The following SNTB2 variants were observed in gnomAD, a reference collection of about 807,000 sequenced individuals.
SNTB2 encodes beta-2-syntrophin.
SNTB2 carries 34 observed loss-of-function variants against 46.2 expected under a neutral mutation model. The observed-to-expected ratio is 0.74, with a 90% CI of 0.56 to 0.98. SNTB2 has a LOEUF of 0.98. SNTB2 is among the 50% of genes least tolerant of loss of function. The pLI is 0.00. For synonymous variants in SNTB2, 290 were observed against 312.6 expected (o/e 0.93, Z 0.76); for missense variants, 603 against 731.4 (o/e 0.82, Z 2.02).
chr16:69,213,994 T>G (rs917220219), intron 1 of SNTB2, among the ~76,000 whole-genome samples: 5 of 150,266 alleles, frequency 3.3e-5, no homozygotes, highest in African/African-American at 1.2e-4. Flanking sequence ...GCTAATTTTT[T>G]TGTAGTTTTT....
rs532763472 is a variant in SNTB2 at position 69,306,041 on chromosome 16, A to G, written c.*5117A>G. ...ATTTTTGAGCAATATCATTATTCCT[A>G]TGCTGTGATGTTAAATGGAATTTAT... On this transcript the variant is annotated 3_prime_UTR_variant, in exon 7 of 7. Transcript: ENST00000336278. The G allele has an allele frequency of 2.6e-5, 4 of 152,270 alleles. No individual in the cohort carries two copies. The South Asian group carries it at 6.2e-4, about 24-fold the overall frequency. The allele number at this position is 152,270 out of a possible 1,614,324, so 9.4% of individuals were successfully genotyped here.
At chr16:69,237,620 T>TTTTTTG (rs1964571126) in intron 1 of SNTB2, among the ~76,000 whole-genome samples, 1 of 148,726 alleles carries the variant, frequency 6.7e-6, no homozygotes, top group African/African-American at 2.5e-5. Context: ...TTTTTTTTTT[T>TTTTTTG]GAGGCAGAGT....
intron 1 of SNTB2, among the ~76,000 whole-genome samples, chr16:69,228,181 G>C (rs1460038014): frequency 1.3e-5 from 2 of 151,970 alleles, no homozygotes; most frequent in East Asian, 3.9e-4. Flanking sequence ...CAGTTACTTG[G>C]TAAAGTTAGT....
At chr16:69,235,914 A>G in intron 1 of SNTB2, 1 of 1,199,454 alleles carries the variant, frequency 8.3e-7, no homozygotes, top group South Asian at 1.4e-5. Context: ...TATATATAGA[A>G]TTACTGGTTT....
chr16:69,216,608 A>T (rs1279619573), intron 1 of SNTB2, among the ~76,000 whole-genome samples: 3 of 151,674 alleles, frequency 2.0e-5, no homozygotes. Context: ...TCGCTTATAC[A>T]TGGGAAGTCA....
chr16:69,249,347 G>T (rs1010635839), intron 2 of SNTB2, among the ~76,000 whole-genome samples: 12 of 152,086 alleles, frequency 7.9e-5, no homozygotes, highest in African/African-American at 2.7e-4. Context: ...TTGAGAATAG[G>T]TACCTGTAGT....
chr16:69,248,040 T>A (rs1964687208), intron 2 of SNTB2, among the ~76,000 whole-genome samples: 1 of 152,172 alleles, frequency 6.6e-6, no homozygotes, highest in Admixed American at 6.5e-5. Context: ...GGAGGATCAC[T>A]TGAACCCAAG....
intron 5 of SNTB2, among the ~76,000 whole-genome samples, chr16:69,298,512 CTTTTTTTTTTT>C (rs34908270): frequency 2.6e-5 from 2 of 78,108 alleles, no homozygotes; most frequent in East Asian, 3.0e-4. Context: ...TTTACCAATT[CTTTTTTTTTTT>C]TTTTTTTTTT....
chr16:69,189,663 A>AGGTG (rs1320683638), intron 1 of SNTB2, among the ~76,000 whole-genome samples: 1 of 152,168 alleles, frequency 6.6e-6, no homozygotes, highest in South Asian at 2.1e-4. Context: ...TTTGAACCTC[A>AGGTG]GAGGTGGAGG....
Position 69,199,595 on chromosome 16 carries a change from C to CAAAAAAAAAAAAAAAAAAAAA in SNTB2, c.580+11865_580+11866insAAAAAAAAAAAAAAAAAAAAA, listed in dbSNP as rs60011703. Among the ~76,000 whole-genome samples, 227 of 76,666 alleles carry CAAAAAAAAAAAAAAAAAAAAA rather than the reference C, an allele frequency of 3.0e-3. 6 individuals are homozygous for CAAAAAAAAAAAAAAAAAAAAA. Among genetic ancestry groups the CAAAAAAAAAAAAAAAAAAAAA allele is most frequent in the African/African-American group, 7.9e-3 (149 of 18,790 alleles). The allele number at this position is 76,666 out of a possible 152,430, so 50.3% of individuals were successfully genotyped here. A position where few individuals can be genotyped will look rare whatever the true frequency, so the allele number is the denominator to read the frequency against. Reference sequence around the variant, plus strand: ...TGGACAACAGAGTGAAACACTGCCTCAAAAAAAAAAAAAAAAGGCGATCTT... The same window carrying CAAAAAAAAAAAAAAAAAAAAA: ...TGGACAACAGAGTGAAACACTGCCTCAAAAAAAAAAAAAAAAAAAAAAAAAAAAAAAAAAAAAGGCGATCTT... On this transcript the variant is annotated intron_variant, in intron 1 of 6. Transcript: ENST00000336278.
At chr16:69,275,208 G>A (rs898581565) in intron 4 of SNTB2, among the ~76,000 whole-genome samples, 1 of 151,956 alleles carries the variant, frequency 6.6e-6, no homozygotes, top group Non-Finnish European at 1.5e-5. Flanking sequence ...GAGTAGCTAG[G>A]ACTATAGGCA....
intron 1 of SNTB2, among the ~76,000 whole-genome samples, chr16:69,223,504 A>G (rs1964427394): frequency 6.6e-6 from 1 of 151,296 alleles, no homozygotes; most frequent in Non-Finnish European, 1.5e-5. Flanking sequence ...CAACATTAGT[A>G]TGATATTATT....
intron 1 of SNTB2, among the ~76,000 whole-genome samples, chr16:69,224,210 A>ATTTT (rs34419738): frequency 3.7e-4 from 47 of 127,740 alleles, no homozygotes; most frequent in African/African-American, 1.2e-3. Context: ...TTCCTTTGCA[A>ATTTT]TTTTTTTTTT....
intron 1 of SNTB2, among the ~76,000 whole-genome samples, chr16:69,190,492 G>C (rs1964039492): frequency 6.6e-6 from 1 of 152,202 alleles, no homozygotes; most frequent in South Asian, 2.1e-4. Flanking sequence ...GAAGTTTAGA[G>C]TTGAGATGTG....
rs1269858648 is a variant in SNTB2, at chr16:69,303,982, T to C, written c.*3058T>C. The stretch of plus-strand genomic sequence containing the variant: ...GTGTCTGCTCCCCATTCAGAGGGAC[T>C]GCTTCCTGTGCCCCCCAGACCCGGG... On this transcript the variant is annotated 3_prime_UTR_variant, in exon 7 of 7. Transcript: ENST00000336278. 2 of 152,258 alleles carry C rather than the reference T, an allele frequency of 1.3e-5. No individual in the cohort carries two copies. The highest frequency in any genetic ancestry group is 2.9e-5 in the Non-Finnish European group (2 of 68,050). 9.4% of individuals were successfully genotyped at this position (152,258 alleles called of 1,614,324 possible).
rs374132572 is a variant in SNTB2, at chr16:69,278,541, C to T, written c.1149-5507C>T. Among the ~76,000 whole-genome samples the T allele has an allele frequency of 1.7e-4, 26 of 151,622 alleles. No homozygotes were observed. The East Asian group carries it at 3.7e-3, about 22-fold the overall frequency. ...TGCAATCTCTGCTCACCGCAACCTC[C>T]ACCTCCTGGGTTCAAGCGATTCTCC... On this transcript the variant is annotated intron_variant, in intron 4 of 6. Transcript: ENST00000336278.
Position 69,208,125 on chromosome 16 carries a change from A to AT in SNTB2, c.580+20379_580+20380insT, listed in dbSNP as rs1197633494. ...CTTCATCTCAAAAAAAAAAAAAAAA[A>AT]GCCGGGCACGGTGGCTCATGCCTGT... On this transcript the variant is annotated intron_variant, in intron 1 of 6. Coordinates refer to ENST00000336278, the MANE Select transcript of SNTB2 (RefSeq NM_006750.4). 3.9e-5 allele frequency among the ~76,000 whole-genome samples: 5 copies of AT among 126,622 alleles called. No homozygotes were observed. In the East Asian group the frequency reaches 7.2e-4, roughly 18 times the overall value. 83.1% of individuals were successfully genotyped at this position (126,622 alleles called of 152,430 possible).
At chr16:69,297,472 G>T (rs1231766059) in intron 5 of SNTB2, among the ~76,000 whole-genome samples, 1 of 150,932 alleles carries the variant, frequency 6.6e-6, no homozygotes, top group Admixed American at 6.6e-5. Context: ...ACATAAATTG[G>T]CCTAGTGTGG....
intron 1 of SNTB2, among the ~76,000 whole-genome samples, chr16:69,214,997 C>T (rs1286996116): frequency 1.3e-5 from 2 of 151,886 alleles, no homozygotes; most frequent in Non-Finnish European, 2.9e-5. Context: ...GCATGTGCCA[C>T]CATGCCTGAC....
Sources: gnomAD v4.1 joint callset for allele counts (sites outside exome capture counted in the v4.1 genomes callset) on GRCh38, gnomAD v4.1.1 for gene constraint, MANE v1.5 for transcripts, NCBI Gene and HGNC (gene_info 2026-07-23, HGNC 2026-07-21) for gene names.